Variants in GCNA observed in about 807,000 individuals in gnomAD.
The protein encoded by GCNA is germ cell nuclear acidic protein.
Under a neutral mutation model 38.8 loss-of-function variants are expected in GCNA, and 3 were observed. The ratio of observed to expected loss-of-function variants is 0.08; its 90% CI spans 0.04 to 0.20. GCNA has a LOEUF of 0.20. Among genes scored for constraint, GCNA ranks in the 10% least tolerant of loss-of-function variants. The probability of loss-of-function intolerance (pLI) is 1.00; values close to 1 mark genes in which losing one functional copy is unlikely to be tolerated. For missense variants in GCNA, 446 were observed against 578.6 expected (o/e 0.77, Z 2.35); for synonymous variants, 195 against 240.2 (o/e 0.81, Z 1.74).
At chrX:71,598,140 C>T (rs1420789481) in intron 7 of GCNA, 102 bp downstream of exon 7, 2 of 572,947 alleles carry the variant, frequency 3.5e-6, no homozygotes, top group Non-Finnish European at 5.7e-6. Context: ...TTCAGAATCC[C>T]TCAGTAGTGA....
chrX:71,583,781 T>A (rs2040564153), intron 2 of GCNA, among the ~76,000 whole-genome samples: 1 of 100,722 alleles, frequency 9.9e-6, no homozygotes, highest in Admixed American at 1.1e-4. Flanking sequence ...CACTGCAGCC[T>A]CTGCCTCCTG....
Position 71,608,960 on chromosome X carries a change from T to C in GCNA, c.1467-13T>C. ...TTTAGCTACATAAACCTCAGTTGAATTTATCTTTGCAGGACTCCTAAATGC... is the reference window on the plus strand; with the variant it reads ...TTTAGCTACATAAACCTCAGTTGAACTTATCTTTGCAGGACTCCTAAATGC... On this transcript the variant is annotated splice_polypyrimidine_tract_variant and intron_variant, in intron 9 of 12. Coordinates refer to ENST00000373696, the MANE Select transcript of GCNA (RefSeq NM_052957.5). 8.3e-7 allele frequency: 1 copy of C among 1,206,053 alleles called. No homozygotes were observed. The highest frequency in any genetic ancestry group is 1.8e-5 in the South Asian group (1 of 56,328).
intron 8 of GCNA, among the ~76,000 whole-genome samples, chrX:71,605,104 G>A (rs908383822): frequency 8.9e-6 from 1 of 112,030 alleles, no homozygotes; most frequent in African/African-American, 3.2e-5. Context: ...ACCCCGTCCC[G>A]GTAGACTGTG....
intron 2 of GCNA, among the ~76,000 whole-genome samples, chrX:71,590,840 G>C (rs1169462007): frequency 2.7e-5 from 3 of 110,129 alleles, no homozygotes; most frequent in Non-Finnish European, 5.7e-5. Context: ...CCGCCAACAG[G>C]CCTGGCTAAT....
chrX:71,604,516 G>A lies in GCNA; in HGVS notation c.1239G>A (p.Arg413=). The A allele has an allele frequency of 1.7e-6, 2 of 1,196,623 alleles. No homozygotes were observed. Among genetic ancestry groups the A allele is most frequent in the Non-Finnish European group, 1.1e-6 (1 of 887,461 alleles). ...CTGTGGTGGAACAATCAGGGAAAAG[G>A]AAGTCAAAAACCAAAACTATTGTGG... is the stretch of plus-strand genomic sequence containing the variant. ...PAPVVEQSGK[R]KSKTKTIVEP... is the part of the protein sequence containing the mutation. Residue 413 remains arginine, a synonymous_variant, in exon 8 of 13, where the codon AGG becomes AGA. Coordinates refer to ENST00000373696, the MANE Select transcript of GCNA (RefSeq NM_052957.5).
intron 7 of GCNA, among the ~76,000 whole-genome samples, chrX:71,599,371 G>A (rs2040696062): frequency 1.8e-5 from 2 of 111,935 alleles, no homozygotes; most frequent in South Asian, 7.5e-4. Flanking sequence ...GCAGAGTAGA[G>A]GGTCTGACAT....
chrX:71,586,029 G>A (rs2040583175), intron 2 of GCNA, among the ~76,000 whole-genome samples: 1 of 109,845 alleles, frequency 9.1e-6, no homozygotes, highest in Admixed American at 1.0e-4. Flanking sequence ...GGTAGTTAAA[G>A]TAGAGTGTGA....
chrX:71,592,381 G>T (rs1204866157), intron 3 of GCNA, among the ~76,000 whole-genome samples, 156 bp from the exon 4 acceptor site: 1 of 86,035 alleles, frequency 1.2e-5, no homozygotes, highest in Non-Finnish European at 2.2e-5. Context: ...TTTGGCTCTG[G>T]GTTTCCTTAC....
chrX:71,583,731 T>C (rs1361361619), intron 2 of GCNA, among the ~76,000 whole-genome samples: 1 of 95,445 alleles, frequency 1.0e-5, no homozygotes, highest in Non-Finnish European at 2.1e-5. Context: ...AGAGCCTTGC[T>C]CTATTGTCAA....
chrX:71,578,721 G>A (rs974081092), intron 1 of GCNA, among the ~76,000 whole-genome samples, 199 bp downstream of exon 1: 12 of 110,246 alleles, frequency 1.1e-4, no homozygotes, highest in Admixed American at 1.9e-4. Context: ...AGGTGGGGGC[G>A]CCCATGGTGG....
Position 71,604,176 on chromosome X carries a change from A to G in GCNA, c.899A>G (p.Asp300Gly). 1.7e-6 allele frequency: 2 copies of G among 1,211,977 alleles called. No homozygotes were observed. Among genetic ancestry groups the G allele is most frequent in the Non-Finnish European group, 2.2e-6 (2 of 895,538 alleles). Residue 300 changes from aspartate to glycine, a missense_variant, in exon 8 of 13, where the codon GAT becomes GGT. By Grantham distance (94) the Asp-to-Gly change is moderately conservative. Coordinates refer to ENST00000373696, the MANE Select transcript of GCNA (RefSeq NM_052957.5). ...DDSEASDDSSDDSEAPDDKSD... is the reference protein window; with the variant it reads ...DDSEASDDSSGDSEAPDDKSD... ...TCGGAAGCTTCCGACGACAGCAGTG[A>G]TGATTCGGAAGCTCCCGACGACAAG...
At chrX:71,585,333 A>T (rs1450378317) in intron 2 of GCNA, among the ~76,000 whole-genome samples, 3 of 107,629 alleles carry the variant, frequency 2.8e-5, no homozygotes, top group African/African-American at 1.0e-4. Flanking sequence ...AAAAAAAAAA[A>T]CAAAGCAAAA....
chrX:71,611,214 A>G (rs1466974477), intron 11 of GCNA, among the ~76,000 whole-genome samples: 1 of 111,997 alleles, frequency 8.9e-6, no homozygotes, highest in Non-Finnish European at 1.9e-5. Context: ...CCCATATGCC[A>G]CTACATTGCT....
intron 2 of GCNA, among the ~76,000 whole-genome samples, chrX:71,585,694 TG>T (rs1478324514): frequency 9.1e-6 from 1 of 109,297 alleles, no homozygotes; most frequent in Non-Finnish European, 1.9e-5. Context: ...ACTGTTAGCT[TG>T]TTTTTTACTT....
intron 1 of GCNA, 47 bp from the exon 2 acceptor site, chrX:71,580,773 C>T (rs773088638): frequency 6.1e-6 from 7 of 1,149,419 alleles, no homozygotes; most frequent in African/African-American, 3.6e-5. Context: ...TGCGCCCGGC[C>T]GAGTTCTGGC....
intron 2 of GCNA, 42 bp from the exon 3 acceptor site, chrX:71,592,080 C>T (rs770615815): frequency 2.5e-5 from 26 of 1,030,535 alleles, no homozygotes; most frequent in Admixed American, 1.2e-4. Context: ...CTTATGGCGT[C>T]GATAGCCCTC....
intron 2 of GCNA, among the ~76,000 whole-genome samples, chrX:71,589,450 CTTTTTTTTTTTTTTTT>C (rs371046758): frequency 3.2e-4 from 12 of 37,698 alleles, no homozygotes; most frequent in East Asian, 1.1e-3. Flanking sequence ...CATATATTTC[CTTTTTTTTTTTTTTTT>C]TTTTTTTTTT....
chrX:71,603,815 G>A lies in GCNA; in HGVS notation c.538G>A (p.Asp180Asn), dbSNP rs747975519. ...DDNSDDSEAP[D>N]DNSDDSDVPD... ...CAACAGTGATGATTCGGAAGCTCCC[G>A]ACGACAATAGTGATGATTCGGATGT... Residue 180 changes from aspartate (D) to asparagine (N), a missense_variant, in exon 8 of 13, where the codon GAC (aspartate) becomes AAC (asparagine). Asp to Asn is a conservative substitution (Grantham distance 23). Coordinates refer to ENST00000373696, the MANE Select transcript of GCNA (RefSeq NM_052957.5). The A allele has an allele frequency of 9.1e-6, 11 of 1,207,096 alleles. No individual in the cohort carries two copies. Among genetic ancestry groups the A allele is most frequent in the Non-Finnish European group, 1.2e-5 (11 of 894,413 alleles).
chrX:71,596,203 G>A (rs1306764766), intron 6 of GCNA, among the ~76,000 whole-genome samples: 1 of 111,131 alleles, frequency 9.0e-6, no homozygotes, highest in Non-Finnish European at 1.9e-5. Context: ...GTGGGAGTGA[G>A]ACTCTCTCAA....
Sources: gnomAD v4.1 joint callset for allele counts (sites outside exome capture counted in the v4.1 genomes callset) on GRCh38, gnomAD v4.1.1 for gene constraint, MANE v1.5 for transcripts, NCBI Gene and HGNC (gene_info 2026-07-23, HGNC 2026-07-21) for gene names.